CHMP3: variants seen among roughly 807,000 people sequenced by gnomAD.
The protein encoded by CHMP3 is 25.1 protein.
A neutral mutation model predicts 27.4 loss-of-function variants in CHMP3; 8 were observed. That is an observed-to-expected ratio of 0.29 (90% confidence interval 0.17 to 0.53). The LOEUF is 0.53. Ranked by LOEUF, CHMP3 falls within the 20% of genes least tolerant of loss-of-function variation. The pLI is 0.96. For synonymous variants in CHMP3, 86 were observed against 85.5 expected (o/e 1.01, Z -0.03); for missense variants, 208 against 271.5 (o/e 0.77, Z 1.64).
intron 2 of CHMP3, among the ~76,000 whole-genome samples, chr2:86,534,176 T>G (rs1676035615): frequency 6.6e-6 from 1 of 151,630 alleles, no homozygotes; most frequent in Non-Finnish European, 1.5e-5. Flanking sequence ...TATACATCTT[T>G]AGATCCAATT....
intron 2 of CHMP3, among the ~76,000 whole-genome samples, chr2:86,533,730 C>A (rs1270810761): frequency 6.6e-6 from 1 of 151,682 alleles, no homozygotes; most frequent in East Asian, 1.9e-4. Context: ...GCCTCAAACT[C>A]CTGGGCTCAA....
chr2:86,533,423 T>C lies in CHMP3; in HGVS notation c.107-4026A>G, dbSNP rs763147164. ...TCTGTTCTGTCTCTGCTTTAATCTTTATTATTTTCTTCCTTCTGCTAGATT... is the reference window on the plus strand; with the variant it reads ...TCTGTTCTGTCTCTGCTTTAATCTTCATTATTTTCTTCCTTCTGCTAGATT... On this transcript the variant is annotated intron_variant, in intron 2 of 5. Coordinates refer to ENST00000263856, the MANE Select transcript of CHMP3 (RefSeq NM_016079.4). Among the ~76,000 whole-genome samples, 18 of 152,316 alleles carry C rather than the reference T, an allele frequency of 1.2e-4. 1 individual carries two copies. Among genetic ancestry groups the C allele is most frequent in the Admixed American group, 3.9e-4 (6 of 15,294 alleles).
intron 1 of CHMP3, among the ~76,000 whole-genome samples, chr2:86,558,010 T>C (rs1326642261): frequency 6.6e-6 from 1 of 152,212 alleles, no homozygotes; most frequent in African/African-American, 2.4e-5. Flanking sequence ...CCTTTTCTGA[T>C]AGAATCCCAC....
In CHMP3 at chr2:86,505,692, A is replaced by G. The variant is rs1308238853; in HGVS notation, c.*112T>C. ...CCTGGGCAGAGAATGAAAAGAGACA[A>G]ACAGAACCTTCTCCAAAATGGTAGT... is the stretch of plus-strand genomic sequence containing the variant. On this transcript the variant is annotated 3_prime_UTR_variant, in exon 6 of 6. Transcript: ENST00000263856. 7.6e-7 allele frequency: 1 copy of G among 1,313,208 alleles called. No individual in the cohort carries two copies. Among genetic ancestry groups the G allele is most frequent in the African/African-American group, 1.5e-5 (1 of 66,492 alleles). 81.3% of individuals were successfully genotyped at this position (1,313,208 alleles called of 1,614,324 possible). A position where few individuals can be genotyped will look rare whatever the true frequency, so the allele number is the denominator to read the frequency against.
At chr2:86,528,507 A>G (rs1466423530) in intron 3 of CHMP3, among the ~76,000 whole-genome samples, 1 of 152,060 alleles carries the variant, frequency 6.6e-6, no homozygotes, top group Non-Finnish European at 1.5e-5. Flanking sequence ...CTGGCTCTCC[A>G]TGATTTCTGA....
chr2:86,524,568 A>C (rs190168006), intron 3 of CHMP3, among the ~76,000 whole-genome samples: 60 of 152,364 alleles, frequency 3.9e-4, no homozygotes, highest in Non-Finnish European at 7.2e-4. Context: ...TAGAGGTTAA[A>C]GTATACAGGA....
intron 3 of CHMP3, among the ~76,000 whole-genome samples, chr2:86,517,418 T>TCC (rs1675354068): frequency 6.6e-6 from 1 of 151,782 alleles, no homozygotes; most frequent in Non-Finnish European, 1.5e-5. Context: ...TACAAAAAAT[T>TCC]AGCTGGGTGT....
At chr2:86,537,890 T>A (rs1676212053) in intron 2 of CHMP3, among the ~76,000 whole-genome samples, 2 of 152,300 alleles carry the variant, frequency 1.3e-5, no homozygotes, top group Non-Finnish European at 2.9e-5. Context: ...ATACAATTAT[T>A]TGATCCAGTA....
rs185258221 is a variant in CHMP3, at chr2:86,521,679, G to C, written c.286+7539C>G. On this transcript the variant is annotated intron_variant, in intron 3 of 5. Transcript: ENST00000263856. ...TACATCATATAAGTGGAATCACGTA[G>C]TATTCATCCTTTTTTGAGGTGCTCA... 2.1e-3 allele frequency among the ~76,000 whole-genome samples: 327 copies of C among 152,272 alleles called. 2 individuals carry two copies. The highest frequency in any genetic ancestry group is 2.2e-3 in the Non-Finnish European group (152 of 68,032).
chr2:86,550,395 AGAGAGGGG>A (rs1325448845), intron 1 of CHMP3, among the ~76,000 whole-genome samples: 1 of 146,232 alleles, frequency 6.8e-6, no homozygotes, highest in Non-Finnish European at 1.5e-5. Flanking sequence ...GGAGAGAGGG[AGAGAGGGG>A]GAGAGGGAGA....
intron 1 of CHMP3, among the ~76,000 whole-genome samples, chr2:86,551,279 ATTT>A (rs34719408): frequency 3.6e-5 from 5 of 139,110 alleles, no homozygotes; most frequent in Non-Finnish European, 6.3e-5. Flanking sequence ...ATGAACTCCA[ATTT>A]TTTTTTTTTT....
rs1677477014 is a variant in CHMP3 at position 86,563,395 on chromosome 2, C to T, written c.-47G>A. 1.9e-6 allele frequency: 3 copies of T among 1,602,250 alleles called. No homozygotes were observed. Among genetic ancestry groups the T allele is most frequent in the Non-Finnish European group, 2.6e-6 (3 of 1,174,884 alleles). ...CCCTTCCGGCTTTCAGTTCCCCGCG[C>T]CCAGGCAGGTCACGGGCAGCCGCCT... On this transcript the variant is annotated 5_prime_UTR_variant, in exon 1 of 6. Coordinates refer to ENST00000263856, the MANE Select transcript of CHMP3 (RefSeq NM_016079.4).
chr2:86,536,858 C>CT (rs1257604061), intron 2 of CHMP3, among the ~76,000 whole-genome samples: 1 of 152,098 alleles, frequency 6.6e-6, no homozygotes, highest in African/African-American at 2.4e-5. Flanking sequence ...TTGATGATGT[C>CT]TGACAGGTCT....
chr2:86,525,055 A>C (rs1013314364), intron 3 of CHMP3, among the ~76,000 whole-genome samples: 3 of 143,494 alleles, frequency 2.1e-5, no homozygotes, highest in African/African-American at 8.4e-5. Context: ...TAAATGATGC[A>C]TCATTAACAT....
At chr2:86,546,381 G>A (rs945966031) in intron 1 of CHMP3, among the ~76,000 whole-genome samples, 35 of 151,862 alleles carry the variant, frequency 2.3e-4, no homozygotes, top group African/African-American at 7.0e-4. Flanking sequence ...AGGGGGGGAG[G>A]GGGAGGGGGA....
chr2:86,525,708 T>C (rs997783810), intron 3 of CHMP3, among the ~76,000 whole-genome samples: 5 of 152,076 alleles, frequency 3.3e-5, no homozygotes, highest in South Asian at 2.1e-4. Flanking sequence ...ATGAAACTCA[T>C]CAATTATAAG....
At chr2:86,538,115 C>CTA (rs1288240591) in intron 2 of CHMP3, among the ~76,000 whole-genome samples, 1 of 152,144 alleles carries the variant, frequency 6.6e-6, no homozygotes, top group East Asian at 1.9e-4. Context: ...CTGATACCTG[C>CTA]TACAACATGG....
At chr2:86,514,318 T>C (rs55708352) in intron 3 of CHMP3, among the ~76,000 whole-genome samples, 30,807 of 152,186 alleles carry the variant, frequency 0.2, 4,147 homozygotes, top group African/African-American at 0.38. Context: ...TTAGTTAATA[T>C]AACAAAAGAA....
At chr2:86,555,313 T>A (rs1289610808) in intron 1 of CHMP3, among the ~76,000 whole-genome samples, 1 of 152,152 alleles carries the variant, frequency 6.6e-6, no homozygotes, top group Non-Finnish European at 1.5e-5. Context: ...ACTGTCACTC[T>A]GTGTGCTGAC....
Sources: allele counts gnomAD v4.1 joint callset (sites outside exome capture counted in the v4.1 genomes callset), GRCh38; gene constraint gnomAD v4.1.1; transcripts MANE v1.5; gene names NCBI Gene and HGNC (gene_info 2026-07-23, HGNC 2026-07-21).